The following LRIG3 variants were observed in gnomAD, a reference collection of about 807,000 sequenced individuals.
LRIG3 encodes the protein leucine rich repeats and immunoglobulin like domains 3, also known as leucine-rich repeats and immunoglobulin-like domains protein 3.
In LRIG3, 76 loss-of-function variants were observed where a neutral mutation model predicts 114.5. The ratio of observed to expected loss-of-function variants is 0.66; its 90% CI spans 0.55 to 0.80. The LOEUF (loss-of-function observed/expected upper bound fraction) is 0.80. LRIG3 is among the 30% of genes least tolerant of loss of function. The pLI, the probability that LRIG3 is intolerant of heterozygous loss-of-function variation, is 0.00. For synonymous variants in LRIG3, 512 were observed against 519.8 expected (o/e 0.98, Z 0.20); for missense variants, 1,239 against 1,382.8 (o/e 0.90, Z 1.65).
chr12:58,878,406 A>T (rs912101420), intron 14 of LRIG3, among the ~76,000 whole-genome samples: 1 of 152,132 alleles, frequency 6.6e-6, no homozygotes, highest in Non-Finnish European at 1.5e-5. Context: ...TGAAAAAAAA[A>T]CTCTGACTTC....
chr12:58,881,249 C>T (rs1281094927), intron 12 of LRIG3, among the ~76,000 whole-genome samples: 3 of 152,114 alleles, frequency 2.0e-5, no homozygotes, highest in African/African-American at 7.2e-5. Flanking sequence ...GCTCAGGGAT[C>T]ATTTTTGAAT....
rs750840871 is a variant in LRIG3 at position 58,914,272 on chromosome 12, G to C, written c.301C>G (p.Arg101Gly). ...ASSMSHLQSL[R>G]EVKLNNNELE... The stretch of plus-strand genomic sequence containing the variant: ...AAAATAACGAAGACTCACACTTCTC[G>C]AAGGCTTTGAAGGTGGCTCATGGAA... The change falls in exon 2 of 19, where the codon CGA becomes GGA. Residue 101 changes from arginine to glycine, a missense_variant. Coordinates refer to ENST00000320743, the MANE Select transcript of LRIG3 (RefSeq NM_153377.5). 3.1e-6 allele frequency: 5 copies of C among 1,613,712 alleles called. No individual in the cohort carries two copies. The South Asian group carries it at 3.3e-5, about 11-fold the overall frequency.
At chr12:58,874,359 G>A (rs200278478) in intron 17 of LRIG3, 29 bp from the exon 18 acceptor site, 1 of 1,607,554 alleles carries the variant, frequency 6.2e-7, no homozygotes, top group African/African-American at 1.3e-5. Flanking sequence ...GTAACAGAAG[G>A]AGATTACAGT....
At chr12:58,890,943 G>A in intron 3 of LRIG3, 147 bp from the exon 4 acceptor site, 1 of 550,800 alleles carries the variant, frequency 1.8e-6, no homozygotes, top group Non-Finnish European at 2.9e-6. Flanking sequence ...GCAATACCAT[G>A]GCCATTTTAA....
chr12:58,920,229 C>G lies in LRIG3; in HGVS notation c.7G>C (p.Ala3Pro). MS[A>P]PSLRARAAGL... ...GCGGCGCGCGCACGGAGGCTCGGCG[C>G]GCTCATCGCGGTCCAGCGGCCTAGG... is the stretch of plus-strand genomic sequence containing the variant. The change falls in exon 1 of 19, where the codon GCG becomes CCG. Residue 3 changes from alanine (A) to proline (P), a missense_variant. Coordinates refer to ENST00000320743, the MANE Select transcript of LRIG3 (RefSeq NM_153377.5). 7.2e-7 allele frequency: 1 copy of G among 1,382,146 alleles called. No individual in the cohort carries two copies. The highest frequency in any genetic ancestry group is 1.7e-5 in the South Asian group (1 of 59,346). 85.6% of individuals were successfully genotyped at this position (1,382,146 alleles called of 1,614,324 possible).
intron 16 of LRIG3, 63 bp from the exon 17 acceptor site, chr12:58,874,636 GT>G: frequency 6.3e-7 from 1 of 1,588,124 alleles, no homozygotes; most frequent in Non-Finnish European, 8.6e-7. Flanking sequence ...ATTCTCCCCA[GT>G]TTTGGCATCT....
At chr12:58,874,794 C>G (rs567234673) in intron 16 of LRIG3, among the ~76,000 whole-genome samples, 1 of 152,154 alleles carries the variant, frequency 6.6e-6, no homozygotes, top group South Asian at 2.1e-4. Context: ...TTGGTTTCTA[C>G]GGGAAACTGA....
At chr12:58,887,023 A>G (rs2120903979) in intron 8 of LRIG3, 133 bp from the exon 9 acceptor site, 1 of 618,820 alleles carries the variant, frequency 1.6e-6, no homozygotes. Flanking sequence ...AAAATAATAG[A>G]AAACTCTTTT....
In LRIG3 at chr12:58,878,913, T is replaced by TC; in HGVS notation, c.1993dup (p.Asp665GlyfsTer63). The TC allele has an allele frequency of 6.2e-7, 1 of 1,614,182 alleles. No individual in the cohort carries two copies. Among genetic ancestry groups the TC allele is most frequent in the Non-Finnish European group, 8.5e-7 (1 of 1,180,040 alleles). ...TACCCCAATGTCCTCTATCTTCACA[T>TC]CCACGATAAAGAACACGTCATCCTC... On this transcript the variant is annotated frameshift_variant, in exon 14 of 19. Transcript: ENST00000320743. LOFTEE classifies it high-confidence loss of function.
chr12:58,916,266 G>A (rs1195476687), intron 1 of LRIG3, among the ~76,000 whole-genome samples: 1 of 152,104 alleles, frequency 6.6e-6, no homozygotes, highest in Admixed American at 6.5e-5. Flanking sequence ...CCTCATTTCT[G>A]ATCCAGAAGC....
Position 58,877,597 on chromosome 12 carries a change from A to G in LRIG3, c.2339T>C (p.Val780Ala), listed in dbSNP as rs762216309. ...SNTLGTERGN[V>A]RLSVIPTPTC... is the part of the protein sequence containing the mutation. ...TGGAGTGGGGATCACACTGAGGCGC[A>G]CGTTTCCTCTCTCAGTGCCAAGGGT... is the stretch of plus-strand genomic sequence containing the variant. Residue 780 changes from valine to alanine, a missense_variant, in exon 15 of 19, where the codon GTG (valine) becomes GCG (alanine). By Grantham distance (64) the Val-to-Ala change is moderately conservative. Transcript: ENST00000320743. The G allele has an allele frequency of 2.0e-5, 33 of 1,614,056 alleles. No homozygotes were observed. In the African/African-American group the frequency reaches 3.2e-4, roughly 16 times the overall value.
At position 58,874,501 on chromosome 12, in the gene LRIG3, A is replaced by C. The variant is rs889890901; in HGVS notation, c.2768T>G (p.Leu923Trp). The change falls in exon 17 of 19, where the codon TTG becomes TGG. Residue 923 changes from leucine (L) to tryptophan (W), a missense_variant. Leu to Trp is a moderately conservative substitution (Grantham distance 61, BLOSUM62 -2). Transcript: ENST00000320743. ...AATDLFLCPF[L>W]GSTGPMYLKG... Reference sequence around the variant, plus strand: ...CAAATACATAGGGCCTGTGGATCCCAAAAACGGACAAAGGAACAGATCTGT... The same window carrying C: ...CAAATACATAGGGCCTGTGGATCCCCAAAACGGACAAAGGAACAGATCTGT... The C allele has an allele frequency of 1.2e-6, 2 of 1,614,190 alleles. No individual in the cohort carries two copies. Among genetic ancestry groups the C allele is most frequent in the Non-Finnish European group, 1.7e-6 (2 of 1,180,018 alleles).
Position 58,920,408 on chromosome 12 carries a change from G to GC in LRIG3, c.-174dup. On this transcript the variant is annotated 5_prime_UTR_variant, in exon 1 of 19. Coordinates refer to ENST00000320743, the MANE Select transcript of LRIG3 (RefSeq NM_153377.5). ...ACTCCCGGCGGCGAAGCCCTTTCAT[G>GC]CCCCCAAACAGCAGGAGGGAAACCG... is the stretch of plus-strand genomic sequence containing the variant. 8.9e-6 allele frequency: 4 copies of GC among 447,510 alleles called. No homozygotes were observed. The highest frequency in any genetic ancestry group is 5.7e-4 in the Middle Eastern group (1 of 1,746). 27.7% of individuals were successfully genotyped at this position (447,510 alleles called of 1,614,324 possible).
intron 3 of LRIG3, among the ~76,000 whole-genome samples, chr12:58,900,550 GT>G (rs1871808633): frequency 6.6e-6 from 1 of 151,990 alleles, no homozygotes; most frequent in African/African-American, 2.4e-5. Context: ...AATGAAACCA[GT>G]TTTTCTCTAA....
Position 58,877,451 on chromosome 12 carries a change from T to C in LRIG3, c.2485A>G (p.Ile829Val). 1 of 1,614,162 alleles carries C rather than the reference T, an allele frequency of 6.2e-7. No homozygotes were observed. The highest frequency in any genetic ancestry group is 1.1e-5 in the South Asian group (1 of 91,084). Residue 829 changes from isoleucine (I) to valine (V), a missense_variant, in exon 15 of 19, where the codon ATC becomes GTC. Coordinates refer to ENST00000320743, the MANE Select transcript of LRIG3 (RefSeq NM_153377.5). ...VVGTSLVWVV[I>V]IYHTRRRNED... ...TTCCTCCGCCTTGTGTGGTATATGA[T>C]GACCACCCACACGAGTGACGTGCCC...
At chr12:58,917,957 T>C (rs1245440258) in intron 1 of LRIG3, among the ~76,000 whole-genome samples, 1 of 152,240 alleles carries the variant, frequency 6.6e-6, no homozygotes, top group East Asian at 1.9e-4. Flanking sequence ...TCCACGTGTT[T>C]TTCTGCTCCT....
rs1244239836 is a variant in LRIG3 at position 58,878,320 on chromosome 12, G to A, written c.2084-468C>T. On this transcript the variant is annotated intron_variant, in intron 14 of 18. Coordinates refer to ENST00000320743, the MANE Select transcript of LRIG3 (RefSeq NM_153377.5). ...ATTATTTAGTATCTTAATAGGTTAC[G>A]TTAATTAGCTCTTTCAAAGATACGT... Among the ~76,000 whole-genome samples the A allele has an allele frequency of 3.3e-5, 5 of 152,020 alleles. No individual in the cohort carries two copies. The South Asian group carries it at 6.2e-4, about 19-fold the overall frequency.
intron 3 of LRIG3, among the ~76,000 whole-genome samples, chr12:58,893,684 A>G (rs1310297151): frequency 1.3e-5 from 2 of 152,194 alleles, no homozygotes; most frequent in African/African-American, 2.4e-5. Context: ...TGTGGGTTAA[A>G]TAAAACCACA....
intron 10 of LRIG3, among the ~76,000 whole-genome samples, chr12:58,885,189 T>TACCA (rs1871237181): frequency 6.6e-6 from 1 of 152,072 alleles, no homozygotes. Flanking sequence ...TACTAACTGG[T>TACCA]GGGTCAAGAC....
Sources: allele counts gnomAD v4.1 joint callset (sites outside exome capture counted in the v4.1 genomes callset), GRCh38; gene constraint gnomAD v4.1.1; transcripts MANE v1.5; gene names NCBI Gene and HGNC (gene_info 2026-07-23, HGNC 2026-07-21).